Variants in ITGBL1 observed in about 807,000 individuals in gnomAD.
ITGBL1 encodes integrin subunit beta like 1.
ITGBL1 carries 51 observed loss-of-function variants against 68.5 expected under a neutral mutation model. That is an observed-to-expected ratio of 0.74 (90% CI 0.59 to 0.94). The LOEUF is 0.94. Among genes scored for constraint, ITGBL1 ranks in the 40% least tolerant of loss-of-function variants. The probability of loss-of-function intolerance (pLI) is 0.00; values close to 1 mark genes in which losing one functional copy is unlikely to be tolerated. For missense variants in ITGBL1, 649 were observed against 647.4 expected (o/e 1.00, Z -0.03); for synonymous variants, 209 against 227.3 (o/e 0.92, Z 0.72).
At chr13:101,673,075 C>G (rs1373518863) in intron 7 of ITGBL1, among the ~76,000 whole-genome samples, 1 of 152,172 alleles carries the variant, frequency 6.6e-6, no homozygotes, top group Admixed American at 6.5e-5. Context: ...ACCTTCAAAC[C>G]ACAAACCAGG....
chr13:101,457,631 A>G (rs2048262205), intron 2 of ITGBL1, among the ~76,000 whole-genome samples: 1 of 152,126 alleles, frequency 6.6e-6, no homozygotes, highest in Non-Finnish European at 1.5e-5. Flanking sequence ...TTTTGGTAGA[A>G]TGGTGAAACC....
chr13:101,618,470 C>A (rs1594934123), intron 7 of ITGBL1, among the ~76,000 whole-genome samples: 1 of 152,092 alleles, frequency 6.6e-6, no homozygotes, highest in Admixed American at 6.6e-5. Context: ...AATTAAAAGA[C>A]CTTAGATGAA....
At chr13:101,705,307 A>AAAAAAC (rs1555367877) in intron 8 of ITGBL1, among the ~76,000 whole-genome samples, 11 of 144,924 alleles carry the variant, frequency 7.6e-5, no homozygotes, top group African/African-American at 2.7e-4. Context: ...AAAAAAAAAA[A>AAAAAAC]AACAACAACA....
chr13:101,520,004 T>C (rs1169762527), intron 2 of ITGBL1, among the ~76,000 whole-genome samples: 1 of 152,122 alleles, frequency 6.6e-6, no homozygotes, highest in African/African-American at 2.4e-5. Context: ...TAACTGCTCA[T>C]GTTTGAGCAT....
chr13:101,529,020 T>G (rs2049428150), intron 2 of ITGBL1, among the ~76,000 whole-genome samples: 1 of 151,528 alleles, frequency 6.6e-6, no homozygotes, highest in Admixed American at 6.6e-5. Flanking sequence ...AACTCAAAAA[T>G]TAGGCACTAT....
intron 2 of ITGBL1, among the ~76,000 whole-genome samples, chr13:101,509,116 A>G (rs889235836): frequency 7.2e-5 from 11 of 152,156 alleles, no homozygotes; most frequent in Non-Finnish European, 1.2e-4. Flanking sequence ...ATAGTTCCGC[A>G]TGGCTGGGGA....
chr13:101,507,551 C>A (rs1370484161), intron 2 of ITGBL1, among the ~76,000 whole-genome samples: 1 of 152,058 alleles, frequency 6.6e-6, no homozygotes, highest in African/African-American at 2.4e-5. Flanking sequence ...CAAGAAAGCA[C>A]CCACAATATC....
chr13:101,489,921 G>C (rs572066214), intron 2 of ITGBL1: 48 of 1,423,450 alleles, frequency 3.4e-5, no homozygotes, highest in Non-Finnish European at 4.6e-5. Context: ...CTAGCTTTTA[G>C]AACAAGCAGA....
At chr13:101,574,504 TA>T (rs1439441619) in intron 3 of ITGBL1, among the ~76,000 whole-genome samples, 1 of 152,144 alleles carries the variant, frequency 6.6e-6, no homozygotes, top group African/African-American at 2.4e-5. Flanking sequence ...TTTGCTCATA[TA>T]AAACTCTGAG....
chr13:101,499,128 C>T (rs537640851), intron 2 of ITGBL1, among the ~76,000 whole-genome samples: 2 of 152,168 alleles, frequency 1.3e-5, no homozygotes, highest in Non-Finnish European at 2.9e-5. Context: ...TGAATGTCCT[C>T]TTCAGGCACA....
chr13:101,460,356 G>A (rs529535487), intron 2 of ITGBL1, among the ~76,000 whole-genome samples: 153 of 152,192 alleles, frequency 1.0e-3, no homozygotes, highest in African/African-American at 3.5e-3. Context: ...TCTTCACATC[G>A]CTTGTAGTTT....
chr13:101,556,406 G>A (rs914172348), intron 2 of ITGBL1, among the ~76,000 whole-genome samples: 2 of 152,216 alleles, frequency 1.3e-5, no homozygotes, highest in Admixed American at 1.3e-4. Context: ...GGAGGCCGAG[G>A]CAGGCGGATC....
At chr13:101,480,235 A>T (rs2048598654) in intron 2 of ITGBL1, among the ~76,000 whole-genome samples, 3 of 152,100 alleles carry the variant, frequency 2.0e-5, no homozygotes, top group Admixed American at 2.0e-4. Context: ...CAGACTCTGC[A>T]TGTCCTCACT....
At chr13:101,718,807 C>T (rs999304789), downstream of ITGBL1, 2 of 151,388 alleles carry the variant, frequency 1.3e-5, no homozygotes, top group African/African-American at 4.9e-5. Flanking sequence ...TAAAATATAA[C>T]TCAGCCTTAG....
chr13:101,481,085 C>CACAT lies in ITGBL1; in HGVS notation c.316+26986_316+26987insCATA, dbSNP rs71121196. ...ACACACACATACATATATATACACA[C>CACAT]ATATATATACACACACGTGCATGTA... On this transcript the variant is annotated intron_variant, in intron 2 of 10. Coordinates refer to ENST00000376180, the MANE Select transcript of ITGBL1 (RefSeq NM_004791.3). 1.3e-4 allele frequency among the ~76,000 whole-genome samples: 20 copies of CACAT among 149,086 alleles called. No homozygotes were observed. In the South Asian group the frequency reaches 1.5e-3, roughly 11 times the overall value.
At chr13:101,586,849 A>G (rs185301989) in intron 6 of ITGBL1, among the ~76,000 whole-genome samples, 2 of 152,322 alleles carry the variant, frequency 1.3e-5, no homozygotes, top group Admixed American at 6.5e-5. Context: ...ACTGTATGGT[A>G]TTATGCTTAT....
chr13:101,452,997 A>T, intron 1 of ITGBL1, 66 bp downstream of exon 1: 3 of 1,342,668 alleles, frequency 2.2e-6, no homozygotes, highest in Non-Finnish European at 3.2e-6. Context: ...TCAAGCTTGC[A>T]GGATGGCTGC....
At chr13:101,631,500 GAGAAACTGC>G (rs1165443300) in intron 7 of ITGBL1, among the ~76,000 whole-genome samples, 1 of 152,038 alleles carries the variant, frequency 6.6e-6, no homozygotes, top group Non-Finnish European at 1.5e-5. Context: ...TACCCACACA[GAGAAACTGC>G]AGAAGAGAAG....
At chr13:101,534,184 A>G (rs1220080187) in intron 2 of ITGBL1, among the ~76,000 whole-genome samples, 1 of 152,194 alleles carries the variant, frequency 6.6e-6, no homozygotes. Flanking sequence ...TCAGGGAGTA[A>G]TGACAGCAAA....
Sources: allele counts gnomAD v4.1 joint callset (sites outside exome capture counted in the v4.1 genomes callset), GRCh38; gene constraint gnomAD v4.1.1; transcripts MANE v1.5; gene names NCBI Gene and HGNC (gene_info 2026-07-23, HGNC 2026-07-21).